Variants in AGBL4 observed in about 807,000 individuals in gnomAD.
AGBL4 encodes cytosolic carboxypeptidase 6.
In AGBL4, 58 loss-of-function variants were observed where a neutral mutation model predicts 66.4. The observed-to-expected ratio is 0.87, with a 90% CI of 0.71 to 1.09. The LOEUF (loss-of-function observed/expected upper bound fraction) is 1.09, where lower values mean the gene tolerates loss of function less well. Among genes scored for constraint, AGBL4 ranks in the 50% least tolerant of loss-of-function variants. The pLI is 0.00. For missense variants in AGBL4, 579 were observed against 631.0 expected, an observed-to-expected ratio of 0.92 and a Z score of 0.88; for synonymous variants, 234 against 222.9, an observed-to-expected ratio of 1.05 and a Z score of -0.44.
At chr1:49,248,459 A>G (rs1651808756) in intron 3 of AGBL4, among the ~76,000 whole-genome samples, 1 of 152,226 alleles carries the variant, frequency 6.6e-6, no homozygotes, top group Non-Finnish European at 1.5e-5. Context: ...CAGATGAGGG[A>G]CTGGTAATGT....
At chr1:48,959,443 T>A (rs1431971616) in intron 5 of AGBL4, among the ~76,000 whole-genome samples, 1 of 152,188 alleles carries the variant, frequency 6.6e-6, no homozygotes. Context: ...AGAAATATAG[T>A]AATGAATGTC....
At chr1:49,916,542 T>C (rs565808440) in intron 1 of AGBL4, among the ~76,000 whole-genome samples, 1 of 151,294 alleles carries the variant, frequency 6.6e-6, no homozygotes, top group Non-Finnish European at 1.5e-5. Flanking sequence ...GAAAAAAGAG[T>C]AAAAAGAAAA....
chr1:48,893,552 G>C lies in AGBL4; in HGVS notation c.595-26322C>G, dbSNP rs182152575. Among the ~76,000 whole-genome samples, 261 of 152,066 alleles carry C rather than the reference G, an allele frequency of 1.7e-3. 1 individual carries two copies. Among genetic ancestry groups the C allele is most frequent in the African/African-American group, 5.9e-3 (244 of 41,504 alleles). On this transcript the variant is annotated intron_variant, in intron 5 of 13. Transcript: ENST00000371839. ...AAAAAAAAATTAGCTGGGCATGGTGGTGGGCTCCTGTAGTCCCAGCTACTC... is the reference window on the plus strand; with the variant it reads ...AAAAAAAAATTAGCTGGGCATGGTGCTGGGCTCCTGTAGTCCCAGCTACTC...
chr1:48,988,845 T>C (rs937508492), intron 5 of AGBL4, among the ~76,000 whole-genome samples: 1 of 152,150 alleles, frequency 6.6e-6, no homozygotes, highest in African/African-American at 2.4e-5. Context: ...TTCAATGACC[T>C]GAGAGGTCAG....
intron 1 of AGBL4, among the ~76,000 whole-genome samples, chr1:49,960,408 G>A (rs537348250): frequency 5.3e-5 from 8 of 151,966 alleles, no homozygotes; most frequent in African/African-American, 1.7e-4. Flanking sequence ...GTTACTATAC[G>A]CTGGTAAGGG....
intron 6 of AGBL4, among the ~76,000 whole-genome samples, chr1:48,841,402 C>G (rs1570799810): frequency 6.1e-5 from 1 of 16,308 alleles, no homozygotes; most frequent in Non-Finnish European, 2.2e-4. Context: ...ACTACAAAAC[C>G]CCCCCCCCCC....
intron 4 of AGBL4, among the ~76,000 whole-genome samples, chr1:49,245,518 G>A (rs1414869587): frequency 6.6e-6 from 1 of 151,686 alleles, no homozygotes; most frequent in African/African-American, 2.4e-5. Flanking sequence ...CCCAAGCACA[G>A]GACCATGTTT....
rs539587252 is a variant in AGBL4 at position 48,764,082 on chromosome 1, T to C, written c.635-100841A>G. 5.3e-5 allele frequency among the ~76,000 whole-genome samples: 8 copies of C among 152,266 alleles called. No homozygotes were observed. The South Asian group carries it at 1.7e-3, about 32-fold the overall frequency. On this transcript the variant is annotated intron_variant, in intron 6 of 13. Transcript: ENST00000371839. ...AGATGAACAAACATCCAGTTGGGGA[T>C]ACAAGATAAAAACACAAGAAAAGAG... is the stretch of plus-strand genomic sequence containing the variant.
chr1:49,576,563 C>T (rs1644440347), intron 3 of AGBL4, among the ~76,000 whole-genome samples: 1 of 152,210 alleles, frequency 6.6e-6, no homozygotes, highest in African/African-American at 2.4e-5. Context: ...GTCATCAAGT[C>T]ACCATGCGAA....
intron 3 of AGBL4, among the ~76,000 whole-genome samples, chr1:49,538,500 C>A (rs894827854): frequency 1.3e-5 from 2 of 152,088 alleles, no homozygotes; most frequent in Non-Finnish European, 2.9e-5. Flanking sequence ...ATCCGTGTAA[C>A]AAAATACAAT....
intron 5 of AGBL4, among the ~76,000 whole-genome samples, chr1:48,951,564 C>A (rs1656985765): frequency 1.3e-5 from 2 of 152,040 alleles, no homozygotes; most frequent in Non-Finnish European, 2.9e-5. Flanking sequence ...AGATTAGTGC[C>A]CTTATACAAG....
chr1:49,770,942 T>A (rs1433806957), intron 2 of AGBL4, among the ~76,000 whole-genome samples: 2 of 152,104 alleles, frequency 1.3e-5, no homozygotes, highest in Admixed American at 6.5e-5. Context: ...ATTCTGTTTA[T>A]CTTTTCAAAA....
At chr1:49,711,658 T>C (rs1375661873) in intron 2 of AGBL4, among the ~76,000 whole-genome samples, 2 of 152,040 alleles carry the variant, frequency 1.3e-5, no homozygotes, top group East Asian at 3.9e-4. Flanking sequence ...GTTTCCTAAG[T>C]GTATGCATAT....
chr1:49,943,272 T>C (rs1265317463), intron 1 of AGBL4, among the ~76,000 whole-genome samples: 7 of 152,114 alleles, frequency 4.6e-5, no homozygotes, highest in Non-Finnish European at 1.0e-4. Flanking sequence ...TCATGGCAGA[T>C]GGGAGGCAGG....
intron 4 of AGBL4, among the ~76,000 whole-genome samples, chr1:49,106,271 T>A (rs1571461425): frequency 1.3e-5 from 2 of 152,170 alleles, no homozygotes; most frequent in Non-Finnish European, 2.9e-5. Context: ...AAATCACACA[T>A]ACATACCTCA....
At chr1:49,769,664 A>G (rs1643998605) in intron 2 of AGBL4, among the ~76,000 whole-genome samples, 1 of 152,146 alleles carries the variant, frequency 6.6e-6, no homozygotes, top group Non-Finnish European at 1.5e-5. Flanking sequence ...AAAGCTGCAC[A>G]CCTACAATCA....
At chr1:48,564,034 G>A (rs370710320) in intron 11 of AGBL4, among the ~76,000 whole-genome samples, 1 of 152,056 alleles carries the variant, frequency 6.6e-6, no homozygotes, top group Non-Finnish European at 1.5e-5. Flanking sequence ...GATCAGCCAG[G>A]GGGGTATTGT....
At chr1:49,787,364 G>A (rs1308307448) in intron 2 of AGBL4, among the ~76,000 whole-genome samples, 3 of 152,010 alleles carry the variant, frequency 2.0e-5, no homozygotes, top group Non-Finnish European at 4.4e-5. Flanking sequence ...TTAGCCGGGC[G>A]TGGTGGCGGA....
chr1:49,016,697 A>G (rs917875391), intron 5 of AGBL4, among the ~76,000 whole-genome samples: 2 of 152,206 alleles, frequency 1.3e-5, no homozygotes, highest in Non-Finnish European at 2.9e-5. Flanking sequence ...GATCTATAGT[A>G]GTTGGGTAAA....
Sources: allele counts gnomAD v4.1 joint callset (sites outside exome capture counted in the v4.1 genomes callset), GRCh38; gene constraint gnomAD v4.1.1; transcripts MANE v1.5; gene names NCBI Gene and HGNC (gene_info 2026-07-23, HGNC 2026-07-21).